IRAK2: variants seen among roughly 807,000 people sequenced by gnomAD.
IRAK2 encodes the protein interleukin-1 receptor-associated kinase-like 2.
A neutral mutation model predicts 72.0 loss-of-function variants in IRAK2; 57 were observed. That is an observed-to-expected ratio of 0.79 (90% CI 0.64 to 0.99). The LOEUF is 0.99. Among genes scored for constraint, IRAK2 ranks in the 50% least tolerant of loss-of-function variants. The probability of loss-of-function intolerance (pLI) is 0.00; values close to 1 mark genes in which losing one functional copy is unlikely to be tolerated. For synonymous variants in IRAK2, 293 were observed against 312.7 expected (o/e 0.94, Z 0.67); for missense variants, 790 against 794.4 (o/e 0.99, Z 0.07).
chr3:10,202,275 G>A lies in IRAK2; in HGVS notation c.424+1760G>A, dbSNP rs1215124215. On this transcript the variant is annotated intron_variant, in intron 3 of 12. Transcript: ENST00000256458. ...GGGCGTGCTGGTCAGGATGGAAGAGGTAATAGGCATAGCAGTTCCTTCTGG... is the reference window on the plus strand; with the variant it reads ...GGGCGTGCTGGTCAGGATGGAAGAGATAATAGGCATAGCAGTTCCTTCTGG... Among the ~76,000 whole-genome samples the A allele has an allele frequency of 1.3e-5, 2 of 152,162 alleles. 1 individual carries two copies. Among genetic ancestry groups the A allele is most frequent in the Non-Finnish European group, 2.9e-5 (2 of 68,046 alleles).
At chr3:10,189,613 G>T (rs1298657719) in intron 2 of IRAK2, among the ~76,000 whole-genome samples, 4 of 152,204 alleles carry the variant, frequency 2.6e-5, no homozygotes, top group African/African-American at 9.7e-5. Flanking sequence ...TTTTCATGCA[G>T]TTTCTTCTTG....
At chr3:10,197,343 C>A (rs1697284457) in intron 2 of IRAK2, among the ~76,000 whole-genome samples, 1 of 151,264 alleles carries the variant, frequency 6.6e-6, no homozygotes. Context: ...CGAGATTCCT[C>A]CACTGTACTC....
In IRAK2 at chr3:10,222,734, A is replaced by C; in HGVS notation, c.1112A>C (p.Lys371Thr). 6.2e-7 allele frequency: 1 copy of C among 1,614,210 alleles called. No homozygotes were observed. Among genetic ancestry groups the C allele is most frequent in the East Asian group, 2.2e-5 (1 of 44,888 alleles). Residue 371 changes from lysine to threonine, a missense_variant, in exon 9 of 13, where the codon AAG becomes ACG. Physicochemically the swap from Lys to Thr is moderately conservative, Grantham distance 78. Transcript: ENST00000256458. ...AAAAGGTCAAAATACACCATGATGA[A>C]GACTCACCTGCTCCGGACGTCAGCC... is the stretch of plus-strand genomic sequence containing the variant. ...VNKRSKYTMM[K>T]THLLRTSAAY... is the part of the protein sequence containing the mutation.
At position 10,186,691 on chromosome 3, in the gene IRAK2, C is replaced by T. The variant is rs1166138524; in HGVS notation, c.277+8671C>T. Among the ~76,000 whole-genome samples, 4 of 151,404 alleles carry T rather than the reference C, an allele frequency of 2.6e-5. 1 individual carries two copies. The highest frequency in any genetic ancestry group is 9.8e-5 in the African/African-American group (4 of 40,818). On this transcript the variant is annotated intron_variant, in intron 2 of 12. Transcript: ENST00000256458. The stretch of plus-strand genomic sequence containing the variant: ...AAGGTTAGTACCACAGTCTTCCCTG[C>T]TGCTGAGGCAGACTCTTGAGATCCC...
chr3:10,219,843 G>C (rs1419488511), intron 8 of IRAK2, 54 bp downstream of exon 8: 2 of 1,276,172 alleles, frequency 1.6e-6, no homozygotes, highest in Non-Finnish European at 2.3e-6. Context: ...GGTGGAACTG[G>C]TGCCTATTCC....
At chr3:10,222,256 C>G (rs1227545215) in intron 8 of IRAK2, among the ~76,000 whole-genome samples, 1 of 152,070 alleles carries the variant, frequency 6.6e-6, no homozygotes, top group Non-Finnish European at 1.5e-5. Flanking sequence ...GGATGCTGGC[C>G]ACTTAGACCT....
chr3:10,236,548 A>G (rs1395349180), intron 11 of IRAK2, among the ~76,000 whole-genome samples: 1 of 151,692 alleles, frequency 6.6e-6, no homozygotes, highest in Non-Finnish European at 1.5e-5. Context: ...GGGTTTCACT[A>G]TGTTGGCCAA....
rs181226349 is a variant in IRAK2, at chr3:10,187,980, A to G, written c.277+9960A>G. ...GATGAGAGGCCTACTCCAGAGAGGG[A>G]TTTTTCCAGATGACCAGGCTTAGGA... is the stretch of plus-strand genomic sequence containing the variant. On this transcript the variant is annotated intron_variant, in intron 2 of 12. Coordinates refer to ENST00000256458, the MANE Select transcript of IRAK2 (RefSeq NM_001570.4). 3.3e-5 allele frequency among the ~76,000 whole-genome samples: 5 copies of G among 152,112 alleles called. No homozygotes were observed. The East Asian group carries it at 9.7e-4, about 29-fold the overall frequency.
chr3:10,190,099 C>T (rs1697150775), intron 2 of IRAK2, among the ~76,000 whole-genome samples: 1 of 150,986 alleles, frequency 6.6e-6, no homozygotes, highest in Non-Finnish European at 1.5e-5. Context: ...CCACATAGCC[C>T]ATAGTGATGA....
chr3:10,229,938 TA>T (rs969670577), intron 10 of IRAK2, among the ~76,000 whole-genome samples: 4 of 151,902 alleles, frequency 2.6e-5, no homozygotes, highest in Admixed American at 1.3e-4. Flanking sequence ...CCGTCTCTAC[TA>T]AAAACACAAA....
intron 2 of IRAK2, among the ~76,000 whole-genome samples, chr3:10,194,207 G>C (rs990163683): frequency 6.6e-6 from 1 of 152,158 alleles, no homozygotes; most frequent in Non-Finnish European, 1.5e-5. Context: ...GTGCCTGGGC[G>C]TGAAGCTGGA....
chr3:10,234,274 A>G (rs1418096982), intron 10 of IRAK2, among the ~76,000 whole-genome samples, 185 bp from the exon 11 acceptor site: 2 of 152,096 alleles, frequency 1.3e-5, no homozygotes, highest in Non-Finnish European at 2.9e-5. Context: ...CTGTGCATGT[A>G]GGAAATCGAA....
intron 2 of IRAK2, among the ~76,000 whole-genome samples, chr3:10,191,070 G>A (rs928857919): frequency 1.1e-4 from 16 of 152,014 alleles, no homozygotes; most frequent in East Asian, 1.9e-4. Flanking sequence ...CGAGGCCGGC[G>A]GATCACAAGG....
rs760677251 is a variant in IRAK2 at position 10,177,982 on chromosome 3, G to A, written c.239G>A (p.Arg80His). 164 of 1,612,996 alleles carry A rather than the reference G, an allele frequency of 1.0e-4. No homozygotes were observed. Among genetic ancestry groups the A allele is most frequent in the Non-Finnish European group, 1.1e-4 (128 of 1,179,742 alleles). ...CAGCAACTTGTGGACCTCCTGTGCC[G>A]CCTGGAGCTCTACCGGGCTGCCCAG... ...TVQQLVDLLC[R>H]LELYRAAQII... Residue 80 changes from arginine to histidine, a missense_variant, in exon 2 of 13, where the codon CGC becomes CAC. Coordinates refer to ENST00000256458, the MANE Select transcript of IRAK2 (RefSeq NM_001570.4).
At chr3:10,219,579 G>C in intron 7 of IRAK2, 101 bp from the exon 8 acceptor site, 1 of 784,012 alleles carries the variant, frequency 1.3e-6, no homozygotes. Flanking sequence ...GGGCCTCCCA[G>C]TGTGCTGGGA....
Position 10,238,890 on chromosome 3 carries a change from C to A in IRAK2, c.1616C>A (p.Ala539Asp), listed in dbSNP as rs771281583. The A allele has an allele frequency of 1.4e-5, 22 of 1,614,114 alleles. 1 individual carries two copies. In the South Asian group the frequency reaches 2.2e-4, roughly 16 times the overall value. Residue 539 changes from alanine (A) to aspartate (D), a missense_variant, in exon 12 of 13, where the codon GCC becomes GAC. Transcript: ENST00000256458. Reference sequence around the variant, plus strand: ...GACGTTGACAATTCCAGCCTTGATGCCTCCTCCTCCATGAGTGTGGCACCC... The same window carrying A: ...GACGTTGACAATTCCAGCCTTGATGACTCCTCCTCCATGAGTGTGGCACCC... ...TDDVDNSSLD[A>D]SSSMSVAPWA... is the part of the protein sequence containing the mutation.
chr3:10,226,270 C>A, intron 9 of IRAK2, 101 bp from the exon 10 acceptor site: 2 of 889,406 alleles, frequency 2.2e-6, no homozygotes, highest in Non-Finnish European at 1.8e-6. Context: ...AATGGCAGAG[C>A]TGCACCTGGA....
At chr3:10,165,450 T>C (rs114381204) in intron 1 of IRAK2, among the ~76,000 whole-genome samples, 1,539 of 152,132 alleles carry the variant, frequency 0.01, 22 homozygotes, top group African/African-American at 0.035. Flanking sequence ...TGTGTGTGTG[T>C]GTGGTGTGTT....
At chr3:10,233,244 G>C (rs1394336828) in intron 10 of IRAK2, among the ~76,000 whole-genome samples, 1 of 152,034 alleles carries the variant, frequency 6.6e-6, no homozygotes, top group Non-Finnish European at 1.5e-5. Flanking sequence ...TAGCGACGAG[G>C]TTTCACCGTG....
Sources: gnomAD v4.1 joint callset for allele counts (sites outside exome capture counted in the v4.1 genomes callset) on GRCh38, gnomAD v4.1.1 for gene constraint, MANE v1.5 for transcripts, NCBI Gene and HGNC (gene_info 2026-07-23, HGNC 2026-07-21) for gene names.